NEDD4: variants seen among roughly 807,000 people sequenced by gnomAD.
NEDD4 encodes NEDD4 E3 ubiquitin protein ligase.
Under a neutral mutation model 144.9 loss-of-function variants are expected in NEDD4, and 99 were observed. The ratio of observed to expected loss-of-function variants is 0.68; its 90% CI spans 0.58 to 0.81. The LOEUF (loss-of-function observed/expected upper bound fraction) is 0.81, where lower values mean the gene tolerates loss of function less well. NEDD4 is among the 30% of genes least tolerant of loss of function. The probability of loss-of-function intolerance (pLI) is 0.00; values close to 1 mark genes in which losing one functional copy is unlikely to be tolerated. For synonymous variants in NEDD4, 318 were observed against 350.6 expected (o/e 0.91, Z 1.04); for missense variants, 985 against 1,065.9 (o/e 0.92, Z 1.06).
chr15:55,916,611 ACAG>A, intron 5 of NEDD4: 1 of 1,614,044 alleles, frequency 6.2e-7, no homozygotes, highest in Non-Finnish European at 8.5e-7. Context: ...AGATGAGGGA[ACAG>A]ATGATCTTTC....
intron 2 of NEDD4, among the ~76,000 whole-genome samples, chr15:55,963,064 C>A (rs1054360758): frequency 4.0e-5 from 6 of 151,812 alleles, no homozygotes; most frequent in African/African-American, 2.4e-5. Flanking sequence ...GGATTACAGG[C>A]GTGAGCTACC....
chr15:55,863,142 G>C, intron 8 of NEDD4, 63 bp from the exon 9 acceptor site: 1 of 1,339,024 alleles, frequency 7.5e-7, no homozygotes, highest in Non-Finnish European at 9.9e-7. Context: ...TAAATTATAT[G>C]CTAAAGGAAA....
At chr15:55,839,060 G>A (rs575450278) in intron 21 of NEDD4, among the ~76,000 whole-genome samples, 7 of 149,276 alleles carry the variant, frequency 4.7e-5, no homozygotes, top group East Asian at 2.0e-4. Flanking sequence ...ACAGGGTCTC[G>A]CTCTGTCCCT....
At chr15:55,960,466 ACT>A (rs2037406670) in intron 2 of NEDD4, among the ~76,000 whole-genome samples, 1 of 151,744 alleles carries the variant, frequency 6.6e-6, no homozygotes, top group African/African-American at 2.4e-5. Context: ...CAGCTTTTGG[ACT>A]CTTGGACTTA....
chr15:55,939,127 C>CAAACAAAA (rs1223958113), intron 4 of NEDD4, among the ~76,000 whole-genome samples: 5 of 151,200 alleles, frequency 3.3e-5, no homozygotes, highest in Non-Finnish European at 5.9e-5. Flanking sequence ...CAACAACAAA[C>CAAACAAAA]AAAAAAACCC....
chr15:55,971,154 A>G (rs1478723891), intron 1 of NEDD4, among the ~76,000 whole-genome samples: 1 of 152,174 alleles, frequency 6.6e-6, no homozygotes, highest in Non-Finnish European at 1.5e-5. Context: ...TTAATTGGCA[A>G]ATTAAAGAAT....
intron 13 of NEDD4, 70 bp downstream of exon 13, chr15:55,852,354 T>C (rs890684578): frequency 6.6e-7 from 1 of 1,508,090 alleles, no homozygotes; most frequent in East Asian, 2.4e-5. Context: ...TACAAAGTGA[T>C]GTAATAGTTT....
intron 7 of NEDD4, 91 bp from the exon 8 acceptor site, chr15:55,869,772 CA>C (rs1595773737): frequency 1.3e-6 from 1 of 790,612 alleles, no homozygotes; most frequent in East Asian, 2.8e-5. Flanking sequence ...CACTAGGTAC[CA>C]GGGGGTCTAC....
intron 1 of NEDD4, among the ~76,000 whole-genome samples, chr15:55,967,213 A>G (rs746905814): frequency 5.3e-5 from 8 of 152,308 alleles, no homozygotes; most frequent in Non-Finnish European, 1.0e-4. Context: ...ACTACTTAGA[A>G]AAGGTTATTT....
intron 27 of NEDD4, among the ~76,000 whole-genome samples, chr15:55,830,836 A>G (rs2032914693): frequency 6.6e-6 from 1 of 152,122 alleles, no homozygotes; most frequent in African/African-American, 2.4e-5. Flanking sequence ...AGTAGCCAGG[A>G]CTACAGGTGT....
At chr15:55,864,483 A>G (rs2034517281) in intron 8 of NEDD4, among the ~76,000 whole-genome samples, 2 of 152,088 alleles carry the variant, frequency 1.3e-5, no homozygotes, top group African/African-American at 4.8e-5. Context: ...GGAGTTTGAG[A>G]CCAGCCTGAC....
chr15:55,868,775 G>A (rs2034673832), intron 8 of NEDD4, among the ~76,000 whole-genome samples: 1 of 152,154 alleles, frequency 6.6e-6, no homozygotes, highest in Non-Finnish European at 1.5e-5. Flanking sequence ...TGATGATAAT[G>A]TGCTTTCAAA....
At chr15:55,852,332 T>A (rs1185045735) in intron 13 of NEDD4, 92 bp downstream of exon 13, 2 of 1,307,248 alleles carry the variant, frequency 1.5e-6, no homozygotes, top group East Asian at 2.6e-5. Context: ...GGTAGAAGTA[T>A]CCAGTGTATC....
chr15:55,838,229 T>A (rs1595728724), intron 22 of NEDD4, 49 bp from the exon 23 acceptor site: 2 of 1,289,570 alleles, frequency 1.6e-6, no homozygotes, highest in East Asian at 2.4e-5. Flanking sequence ...GAGAAAAATT[T>A]AAAAAGTATA....
intron 1 of NEDD4, among the ~76,000 whole-genome samples, chr15:55,975,702 C>T (rs1474609734): frequency 6.6e-6 from 1 of 151,914 alleles, no homozygotes; most frequent in African/African-American, 2.4e-5. Context: ...AATGTCCATA[C>T]TACCCAAAGC....
At chr15:55,990,244 A>G (rs1439057953) in intron 1 of NEDD4, among the ~76,000 whole-genome samples, 2 of 152,078 alleles carry the variant, frequency 1.3e-5, no homozygotes, top group African/African-American at 4.8e-5. Flanking sequence ...TCCTGAAACC[A>G]CTGGACCGCA....
chr15:55,931,604 T>G (rs2036783191), intron 4 of NEDD4, among the ~76,000 whole-genome samples: 2 of 152,116 alleles, frequency 1.3e-5, no homozygotes. Flanking sequence ...AGGAAAAAAG[T>G]TGCCAAAAAA....
intron 4 of NEDD4, among the ~76,000 whole-genome samples, chr15:55,942,469 C>T (rs898104439): frequency 1.9e-4 from 29 of 152,126 alleles, no homozygotes; most frequent in Admixed American, 1.8e-3. Context: ...TGATAGTAAG[C>T]GACTTCTTAT....
At chr15:55,947,653 C>CA (rs1487286260) in intron 4 of NEDD4, among the ~76,000 whole-genome samples, 10 of 152,146 alleles carry the variant, frequency 6.6e-5, no homozygotes, top group Non-Finnish European at 1.2e-4. Flanking sequence ...TCAACATACG[C>CA]AATCAATAAA....
Sources: gnomAD v4.1 joint callset for allele counts (sites outside exome capture counted in the v4.1 genomes callset) on GRCh38, gnomAD v4.1.1 for gene constraint, MANE v1.5 for transcripts, NCBI Gene and HGNC (gene_info 2026-07-23, HGNC 2026-07-21) for gene names.